The following KIF26B variants were observed in gnomAD, a reference collection of about 807,000 sequenced individuals.
KIF26B encodes kinesin family member 26B.
A neutral mutation model predicts 151.2 loss-of-function variants in KIF26B; 63 were observed. That is an observed-to-expected ratio of 0.42 (90% CI 0.34 to 0.51). The LOEUF is 0.51. KIF26B is among the 20% of genes least tolerant of loss of function. The pLI is 0.07. For missense variants in KIF26B, 2,813 were observed against 2,913.6 expected, an observed-to-expected ratio of 0.97 and a Z score of 0.79; for synonymous variants, 1,357 against 1,262.1, an observed-to-expected ratio of 1.08 and a Z score of -1.59.
intron 5 of KIF26B, among the ~76,000 whole-genome samples, chr1:245,570,183 G>A (rs919111553): frequency 3.9e-5 from 6 of 151,906 alleles, no homozygotes; most frequent in Admixed American, 2.6e-4. Context: ...TGATCCACCC[G>A]TCTTGGCCTC....
Position 245,550,022 on chromosome 1 carries a change from G to A in KIF26B, c.1350+9072G>A, listed in dbSNP as rs148028337. On this transcript the variant is annotated intron_variant, in intron 5 of 14. Transcript: ENST00000407071. ...TTGAACTCCTGACCTCAGGTGATCC[G>A]CCCGCCTCGGCTTCTCAAAGTGCTG... Among the ~76,000 whole-genome samples the A allele has an allele frequency of 1.3e-3, 203 of 152,152 alleles. 1 individual carries two copies. The Middle Eastern group carries it at 0.014, about 10-fold the overall frequency.
intron 2 of KIF26B, among the ~76,000 whole-genome samples, chr1:245,268,751 T>C (rs1670796010): frequency 6.6e-6 from 1 of 152,128 alleles, no homozygotes; most frequent in Non-Finnish European, 1.5e-5. Flanking sequence ...CCTGGTTAAA[T>C]ATTTTGATTT....
chr1:245,644,155 C>T (rs1558249285), intron 9 of KIF26B, among the ~76,000 whole-genome samples: 1 of 151,728 alleles, frequency 6.6e-6, no homozygotes, highest in Non-Finnish European at 1.5e-5. Flanking sequence ...TCCTACAGCT[C>T]TTTTTTTTCT....
chr1:245,631,331 C>T (rs2043779030), intron 9 of KIF26B, among the ~76,000 whole-genome samples: 1 of 152,122 alleles, frequency 6.6e-6, no homozygotes, highest in Non-Finnish European at 1.5e-5. Flanking sequence ...GAGTTTTTAT[C>T]ATGAAGGATG....
chr1:245,475,972 C>T (rs936252698), intron 4 of KIF26B, among the ~76,000 whole-genome samples: 1 of 151,802 alleles, frequency 6.6e-6, no homozygotes, highest in Admixed American at 6.6e-5. Flanking sequence ...TTCATGGCAG[C>T]GTTAGTCAAA....
chr1:245,356,593 TGAAGCTATTCAATGTGG>T (rs1206971695), intron 2 of KIF26B, among the ~76,000 whole-genome samples: 2 of 151,682 alleles, frequency 1.3e-5, no homozygotes, highest in African/African-American at 2.4e-5. Flanking sequence ...CTAAGAAAGA[TGAAGCTATTCAATGTGG>T]GAACCTCTCT....
chr1:245,547,800 G>A (rs1661781861), intron 5 of KIF26B, among the ~76,000 whole-genome samples: 1 of 152,186 alleles, frequency 6.6e-6, no homozygotes, highest in Admixed American at 6.5e-5. Context: ...ATTTTCTGGC[G>A]TTCCTGGCCA....
chr1:245,156,320 C>T lies in KIF26B; in HGVS notation c.102C>T (p.Pro34=), dbSNP rs537968746. 6.5e-7 allele frequency: 1 copy of T among 1,547,632 alleles called. No homozygotes were observed. The highest frequency in any genetic ancestry group is 8.7e-7 in the Non-Finnish European group (1 of 1,145,944). The change falls in exon 2 of 15, where the codon CCC becomes CCT. Residue 34 remains proline (P), a synonymous_variant. Coordinates refer to ENST00000407071, the MANE Select transcript of KIF26B (RefSeq NM_018012.4). The part of the protein sequence containing the change: ...EVCSPTKPAA[P]FSPESWYRKA... Reference sequence around the variant, plus strand: ...GCTCGCCCACCAAGCCCGCAGCGCCCTTCTCCCCGGAAAGCTGGTACCGGA... The same window carrying T: ...GCTCGCCCACCAAGCCCGCAGCGCCTTTCTCCCCGGAAAGCTGGTACCGGA...
At chr1:245,314,293 CA>C (rs542268110) in intron 2 of KIF26B, among the ~76,000 whole-genome samples, 3 of 151,054 alleles carry the variant, frequency 2.0e-5, no homozygotes, top group South Asian at 2.1e-4. Flanking sequence ...ACTAAAAATA[CA>C]AAAAAAAATT....
chr1:245,538,535 G>A (rs1326227152), intron 4 of KIF26B, among the ~76,000 whole-genome samples: 2 of 151,970 alleles, frequency 1.3e-5, no homozygotes. Context: ...TGTGTGGGGT[G>A]GGCCTGGGTG....
intron 4 of KIF26B, among the ~76,000 whole-genome samples, chr1:245,475,397 A>G (rs191879931): frequency 1.8e-4 from 27 of 151,924 alleles, no homozygotes; most frequent in Admixed American, 1.4e-3. Flanking sequence ...ATTGTTTACA[A>G]TGGGGACAGC....
chr1:245,436,886 C>T (rs1658946946), intron 4 of KIF26B, among the ~76,000 whole-genome samples: 2 of 103,364 alleles, frequency 1.9e-5, no homozygotes, highest in African/African-American at 5.7e-5. Context: ...CACTTTCTCC[C>T]TCTCTTTTTT....
At chr1:245,366,679 T>C (rs1672961336) in intron 2 of KIF26B, among the ~76,000 whole-genome samples, 155 bp from the exon 3 acceptor site, 1 of 152,256 alleles carries the variant, frequency 6.6e-6, no homozygotes, top group African/African-American at 2.4e-5. Flanking sequence ...TAGAGGCTTT[T>C]CTGCCAGTGT....
chr1:245,604,806 A>G (rs1057162500), intron 6 of KIF26B, among the ~76,000 whole-genome samples: 5 of 152,204 alleles, frequency 3.3e-5, no homozygotes, highest in Admixed American at 2.0e-4. Flanking sequence ...GTTATAATAA[A>G]TTACATGTCT....
chr1:245,530,575 C>T (rs1223031240), intron 4 of KIF26B, among the ~76,000 whole-genome samples: 1 of 152,152 alleles, frequency 6.6e-6, no homozygotes, highest in Admixed American at 6.5e-5. Flanking sequence ...GTGAAATTAG[C>T]GAGGCCCAGA....
intron 5 of KIF26B, among the ~76,000 whole-genome samples, chr1:245,555,903 G>A (rs1378913326): frequency 6.6e-6 from 1 of 152,196 alleles, no homozygotes; most frequent in Non-Finnish European, 1.5e-5. Context: ...TCCAGGGGGA[G>A]AAAAGTGGCC....
chr1:245,208,305 C>T (rs1669446335), intron 2 of KIF26B, among the ~76,000 whole-genome samples: 1 of 152,182 alleles, frequency 6.6e-6, no homozygotes, highest in Non-Finnish European at 1.5e-5. Flanking sequence ...ACTTAACAGC[C>T]AATTCACCGG....
At chr1:245,369,491 G>A (rs887633248) in intron 3 of KIF26B, among the ~76,000 whole-genome samples, 6 of 152,294 alleles carry the variant, frequency 3.9e-5, no homozygotes, top group South Asian at 2.1e-4. Flanking sequence ...TTGGACGGTC[G>A]AAATTTTCAC....
chr1:245,527,878 G>A (rs1237119195), intron 4 of KIF26B, among the ~76,000 whole-genome samples: 1 of 151,578 alleles, frequency 6.6e-6, no homozygotes, highest in Non-Finnish European at 1.5e-5. Context: ...GGTGTCTTAG[G>A]TGTTTACAGT....
Sources: gnomAD v4.1 joint callset for allele counts (sites outside exome capture counted in the v4.1 genomes callset) on GRCh38, gnomAD v4.1.1 for gene constraint, MANE v1.5 for transcripts, NCBI Gene and HGNC (gene_info 2026-07-23, HGNC 2026-07-21) for gene names.